P2RY1: variants seen among roughly 807,000 people sequenced by gnomAD.
P2RY1 encodes P2Y purinoceptor 1.
In P2RY1, 14 loss-of-function variants were observed where a neutral mutation model predicts 22.8. The ratio of observed to expected loss-of-function variants is 0.61; its 90% CI spans 0.41 to 0.96. The LOEUF is 0.96. P2RY1 is among the 40% of genes least tolerant of loss of function. The pLI is 0.00. For synonymous variants in P2RY1, 200 were observed against 195.1 expected (o/e 1.03, Z -0.21); for missense variants, 395 against 470.3 (o/e 0.84, Z 1.48).
At position 152,837,668 on chromosome 3, in the gene P2RY1, G is replaced by C. The variant is rs567248586; in HGVS notation, c.*764G>C. ...TGTATTTTCCTTGTAAACACCATGA[G>C]CTCTCTTAGACATCTTGTGATAAAG... is the stretch of plus-strand genomic sequence containing the variant. On this transcript the variant is annotated 3_prime_UTR_variant, in exon 1 of 1. Transcript: ENST00000305097. 1 of 167,144 alleles carries C rather than the reference G, an allele frequency of 6.0e-6. No homozygotes were observed. The highest frequency in any genetic ancestry group is 1.9e-4 in the East Asian group (1 of 5,196). 10.4% of individuals were successfully genotyped at this position (167,144 alleles called of 1,614,324 possible).
At position 152,835,748 on chromosome 3, in the gene P2RY1, C is replaced by T. The variant is rs778842678; in HGVS notation, c.-35C>T. 4 of 1,533,434 alleles carry T rather than the reference C, an allele frequency of 2.6e-6. No homozygotes were observed. The highest frequency in any genetic ancestry group is 2.4e-4 in the Middle Eastern group (1 of 4,110). The allele number at this position is 1,533,434 out of a possible 1,614,324, so 95.0% of individuals were successfully genotyped here. On this transcript the variant is annotated 5_prime_UTR_variant, in exon 1 of 1. Coordinates refer to ENST00000305097, the MANE Select transcript of P2RY1 (RefSeq NM_002563.5). Reference sequence around the variant, plus strand: ...CCGCTGCCCTCTCGCCGCCTCCTACCCCTCGGAGCCGCCGCCTAAGTCGAG... The same window carrying T: ...CCGCTGCCCTCTCGCCGCCTCCTACTCCTCGGAGCCGCCGCCTAAGTCGAG...
At position 152,837,970 on chromosome 3, in the gene P2RY1, A is replaced by G. The variant is rs1278561613; in HGVS notation, c.*1066A>G. The G allele has an allele frequency of 6.0e-6, 1 of 167,114 alleles. No homozygotes were observed. The highest frequency in any genetic ancestry group is 1.5e-5 in the Non-Finnish European group (1 of 68,120). 10.4% of individuals were successfully genotyped at this position (167,114 alleles called of 1,614,324 possible). A position where few individuals can be genotyped will look rare whatever the true frequency, so the allele number is the denominator to read the frequency against. On this transcript the variant is annotated 3_prime_UTR_variant, in exon 1 of 1. Coordinates refer to ENST00000305097, the MANE Select transcript of P2RY1 (RefSeq NM_002563.5). Reference sequence around the variant, plus strand: ...TGGGGTGGGCAGAAGACATTTTAGAATGAGGGCTTTAGTTTAAATTAAAGT... The same window carrying G: ...TGGGGTGGGCAGAAGACATTTTAGAGTGAGGGCTTTAGTTTAAATTAAAGT...
In P2RY1 at chr3:152,835,739, G is replaced by T. The variant is rs753615988; in HGVS notation, c.-44G>T. The T allele has an allele frequency of 9.2e-6, 14 of 1,515,936 alleles. No homozygotes were observed. The highest frequency in any genetic ancestry group is 2.5e-4 in the Middle Eastern group (1 of 4,054). The allele number at this position is 1,515,936 out of a possible 1,614,324, so 93.9% of individuals were successfully genotyped here. On this transcript the variant is annotated 5_prime_UTR_variant, in exon 1 of 1. Transcript: ENST00000305097. ...CCCTGGCCGCCGCTGCCCTCTCGCC[G>T]CCTCCTACCCCTCGGAGCCGCCGCC...
Position 152,838,308 on chromosome 3 carries a change from G to A in P2RY1, c.*1404G>A, listed in dbSNP as rs944450846. 6.6e-6 allele frequency: 1 copy of A among 152,142 alleles called. No individual in the cohort carries two copies. Among genetic ancestry groups the A allele is most frequent in the African/African-American group, 2.4e-5 (1 of 41,432 alleles). The allele number at this position is 152,142 out of a possible 1,614,324, so 9.4% of individuals were successfully genotyped here. A position where few individuals can be genotyped will look rare whatever the true frequency, so the allele number is the denominator to read the frequency against. ...GAAAAATTTGTAAAATGCTTCAACAGTGTTAATAATTTTAATGAATATTGA... is the reference window on the plus strand; with the variant it reads ...GAAAAATTTGTAAAATGCTTCAACAATGTTAATAATTTTAATGAATATTGA... On this transcript the variant is annotated 3_prime_UTR_variant, in exon 1 of 1. Transcript: ENST00000305097.
rs940939333 is a variant in P2RY1 at position 152,837,955 on chromosome 3, A to C, written c.*1051A>C. The stretch of plus-strand genomic sequence containing the variant: ...AATGTATGAAGCAACTGGGGTGGGC[A>C]GAAGACATTTTAGAATGAGGGCTTT... On this transcript the variant is annotated 3_prime_UTR_variant, in exon 1 of 1. Transcript: ENST00000305097. The C allele has an allele frequency of 6.6e-5, 11 of 167,124 alleles. No individual in the cohort carries two copies. The highest frequency in any genetic ancestry group is 1.6e-4 in the Non-Finnish European group (11 of 68,120). 10.4% of individuals were successfully genotyped at this position (167,124 alleles called of 1,614,324 possible). A position where few individuals can be genotyped will look rare whatever the true frequency, so the allele number is the denominator to read the frequency against.
In P2RY1 at chr3:152,837,043, G is replaced by A; in HGVS notation, c.*139G>A. Reference sequence around the variant, plus strand: ...ATAGTGAGTTAAAAAAATAATAGAAGTAGAAATGCCCACATCCACACTTAG... The same window carrying A: ...ATAGTGAGTTAAAAAAATAATAGAAATAGAAATGCCCACATCCACACTTAG... On this transcript the variant is annotated 3_prime_UTR_variant, in exon 1 of 1. Transcript: ENST00000305097. 2 of 685,930 alleles carry A rather than the reference G, an allele frequency of 2.9e-6. No homozygotes were observed. Among genetic ancestry groups the A allele is most frequent in the South Asian group, 2.1e-5 (1 of 47,910 alleles). 42.5% of individuals were successfully genotyped at this position (685,930 alleles called of 1,614,324 possible). A position where few individuals can be genotyped will look rare whatever the true frequency, so the allele number is the denominator to read the frequency against.
rs771419503 is a variant in P2RY1, at chr3:152,836,025, G to A, written c.243G>A (p.Lys81=). Residue 81 remains lysine (K), a synonymous_variant, in exon 1 of 1, where the codon AAG becomes AAA. Coordinates refer to ENST00000305097, the MANE Select transcript of P2RY1 (RefSeq NM_002563.5). This position sits in a 1 kb window ranked among gnomAD's most constrained non-coding sequence, Gnocchi z 5.6. Reference sequence around the variant, plus strand: ...TCTGGATGTTCGTCTTCCACATGAAGCCCTGGAGCGGCATCTCCGTGTACA... The same window carrying A: ...TCTGGATGTTCGTCTTCCACATGAAACCCTGGAGCGGCATCTCCGTGTACA... The part of the protein sequence containing the change: ...VAIWMFVFHM[K]PWSGISVYMF... 3 of 1,614,200 alleles carry A rather than the reference G, an allele frequency of 1.9e-6. No individual in the cohort carries two copies. Among genetic ancestry groups the A allele is most frequent in the African/African-American group, 1.3e-5 (1 of 75,056 alleles).
chr3:152,835,640 T>G lies in P2RY1; in HGVS notation c.-143T>G, dbSNP rs1410872510. On this transcript the variant is annotated 5_prime_UTR_variant, in exon 1 of 1. Transcript: ENST00000305097. ...GCCAGAGCTGGCGTGGGCGAGCCCC[T>G]GCGCGCCCCCTCCCGCGGGGATCCA... The G allele has an allele frequency of 1.2e-6, 1 of 808,866 alleles. No homozygotes were observed. Among genetic ancestry groups the G allele is most frequent in the African/African-American group, 1.8e-5 (1 of 57,094 alleles). The allele number at this position is 808,866 out of a possible 1,614,324, so 50.1% of individuals were successfully genotyped here.
chr3:152,837,453 A>T lies in P2RY1; in HGVS notation c.*549A>T, dbSNP rs1470552986. 6.0e-6 allele frequency: 1 copy of T among 167,258 alleles called. No individual in the cohort carries two copies. The highest frequency in any genetic ancestry group is 1.5e-5 in the Non-Finnish European group (1 of 68,400). The allele number at this position is 167,258 out of a possible 1,614,324, so 10.4% of individuals were successfully genotyped here. ...TTTCAGTGTCTTATAAGCATAGATG[A>T]TAGTTGACTGAGTTTCTTTAGGGCA... On this transcript the variant is annotated 3_prime_UTR_variant, in exon 1 of 1. Transcript: ENST00000305097.
chr3:152,836,889 A>G lies in P2RY1; in HGVS notation c.1107A>G (p.Gly369=), dbSNP rs1716179200. The change falls in exon 1 of 1, where the codon GGA becomes GGG. Residue 369 remains glycine (G), a synonymous_variant. Transcript: ENST00000305097. The surrounding 1 kb of genome is among the most constrained non-coding windows in gnomAD (Gnocchi z 5.6). ...LNILPEFKQN[G]DTSL ...TTTTACCTGAGTTCAAGCAGAATGG[A>G]GATACAAGCCTGTGAAGGCACAAGA... The G allele has an allele frequency of 6.2e-7, 1 of 1,608,932 alleles. No homozygotes were observed.
In P2RY1 at chr3:152,840,356, C is replaced by G. The variant is rs1313630940; in HGVS notation, c.*3452C>G. 3.9e-5 allele frequency: 6 copies of G among 151,900 alleles called. 1 individual carries two copies. Among genetic ancestry groups the G allele is most frequent in the Admixed American group, 3.9e-4 (6 of 15,244 alleles). 9.4% of individuals were successfully genotyped at this position (151,900 alleles called of 1,614,324 possible). A position where few individuals can be genotyped will look rare whatever the true frequency, so the allele number is the denominator to read the frequency against. ...TTTGCCTTTTTATTTAAGTTTTTTT[C>G]TATATAGACACAATTTGGTGTCAGA... On this transcript the variant is annotated 3_prime_UTR_variant, in exon 1 of 1. Transcript: ENST00000305097.
chr3:152,835,856 G>C lies in P2RY1; in HGVS notation c.74G>C (p.Trp25Ser), dbSNP rs773771939. 1.9e-6 allele frequency: 3 copies of C among 1,613,382 alleles called. No individual in the cohort carries two copies. Among genetic ancestry groups the C allele is most frequent in the Non-Finnish European group, 2.5e-6 (3 of 1,180,026 alleles). The change falls in exon 1 of 1, where the codon TGG (tryptophan) becomes TCG (serine). Residue 25 changes from tryptophan to serine, a missense_variant. By Grantham distance (177) the Trp-to-Ser change is radical (BLOSUM62 -3). Transcript: ENST00000305097. ...AAFLAGPGSS[W>S]GNSTVASTAA... ...TTCCTGGCCGGTCCGGGTTCGTCCTGGGGGAACAGCACGGTCGCCTCCACT... is the reference window on the plus strand; with the variant it reads ...TTCCTGGCCGGTCCGGGTTCGTCCTCGGGGAACAGCACGGTCGCCTCCACT...
At position 152,836,074 on chromosome 3, in the gene P2RY1, T is replaced by C; in HGVS notation, c.292T>C (p.Phe98Leu). 1 of 1,614,188 alleles carries C rather than the reference T, an allele frequency of 6.2e-7. No homozygotes were observed. Residue 98 changes from phenylalanine to leucine, a missense_variant, in exon 1 of 1, where the codon TTC becomes CTC. Coordinates refer to ENST00000305097, the MANE Select transcript of P2RY1 (RefSeq NM_002563.5). The surrounding 1 kb of genome is among the most constrained non-coding windows in gnomAD (Gnocchi z 5.6). Reference sequence around the variant, plus strand: ...CATGTTCAATTTGGCTCTGGCCGACTTCTTGTACGTGCTGACTCTGCCAGC... The same window carrying C: ...CATGTTCAATTTGGCTCTGGCCGACCTCTTGTACGTGCTGACTCTGCCAGC... Reference protein sequence around the residue: ...VYMFNLALADFLYVLTLPALI... With the variant: ...VYMFNLALADLLYVLTLPALI...
Position 152,836,410 on chromosome 3 carries a change from T to C in P2RY1, c.628T>C (p.Tyr210His). 6.2e-7 allele frequency: 1 copy of C among 1,614,092 alleles called. No individual in the cohort carries two copies. Among genetic ancestry groups the C allele is most frequent in the Non-Finnish European group, 8.5e-7 (1 of 1,180,038 alleles). Residue 210 changes from tyrosine to histidine, a missense_variant, in exon 1 of 1, where the codon TAC becomes CAC. Around this residue, in one of 3 missense-constraint regions of P2RY1, gnomAD observed 291 missense variants for 361.6 expected, o/e 0.80. Coordinates refer to ENST00000305097, the MANE Select transcript of P2RY1 (RefSeq NM_002563.5). This position sits in a 1 kb window ranked among gnomAD's most constrained non-coding sequence, Gnocchi z 5.6. Reference protein sequence around the residue: ...ITCYDTTSDEYLRSYFIYSMC... With the variant: ...ITCYDTTSDEHLRSYFIYSMC... Reference sequence around the variant, plus strand: ...CTGTTACGACACCACCTCAGACGAGTACCTGCGAAGTTATTTCATCTACAG... The same window carrying C: ...CTGTTACGACACCACCTCAGACGAGCACCTGCGAAGTTATTTCATCTACAG...
chr3:152,835,448 C>G lies in P2RY1; in HGVS notation c.-335C>G, dbSNP rs1049977241. 3 of 338,988 alleles carry G rather than the reference C, an allele frequency of 8.8e-6. No individual in the cohort carries two copies. In the East Asian group the frequency reaches 1.9e-4, roughly 22 times the overall value. The allele number at this position is 338,988 out of a possible 1,614,324, so 21.0% of individuals were successfully genotyped here. On this transcript the variant is annotated 5_prime_UTR_variant, in exon 1 of 1. Coordinates refer to ENST00000305097, the MANE Select transcript of P2RY1 (RefSeq NM_002563.5). ...CTCTGGCGCGCTCTGCAGCGCGGAC[C>G]CGCGGCCCCTCGGGAAAGCGCAGTC...
Position 152,836,839 on chromosome 3 carries a change from A to G in P2RY1, c.1057A>G (p.Lys353Glu). The change falls in exon 1 of 1, where the codon AAG becomes GAG. Residue 353 changes from lysine (K) to glutamate (E), a missense_variant. Coordinates refer to ENST00000305097, the MANE Select transcript of P2RY1 (RefSeq NM_002563.5). This position sits in a 1 kb window ranked among gnomAD's most constrained non-coding sequence, Gnocchi z 5.6. The part of the protein sequence containing the change: ...SRRSEANLQS[K>E]SEDMTLNILP... ...AAGAAGTGAGGCAAATTTGCAATCC[A>G]AGAGTGAAGACATGACCCTCAATAT... The G allele has an allele frequency of 2.5e-6, 4 of 1,613,878 alleles. No individual in the cohort carries two copies. The highest frequency in any genetic ancestry group is 3.4e-6 in the Non-Finnish European group (4 of 1,179,956).
rs1252421154 is a variant in P2RY1 at position 152,836,130 on chromosome 3, C to T, written c.348C>T (p.Asp116=). ...TCTTCTACTACTTCAATAAAACAGA[C>T]TGGATCTTCGGGGATGCCATGTGTA... The part of the protein sequence containing the change: ...ALIFYYFNKT[D]WIFGDAMCKL... The change falls in exon 1 of 1, where the codon GAC becomes GAT. Residue 116 remains aspartate (D), a synonymous_variant. Coordinates refer to ENST00000305097, the MANE Select transcript of P2RY1 (RefSeq NM_002563.5). The surrounding 1 kb of genome is among the most constrained non-coding windows in gnomAD (Gnocchi z 5.6). 3 of 1,614,204 alleles carry T rather than the reference C, an allele frequency of 1.9e-6. No homozygotes were observed. Among genetic ancestry groups the T allele is most frequent in the Admixed American group, 3.3e-5 (2 of 60,022 alleles).
rs1157482100 is a variant in P2RY1, at chr3:152,837,472, T to G, written c.*568T>G. 1 of 168,026 alleles carries G rather than the reference T, an allele frequency of 6.0e-6. No individual in the cohort carries two copies. Among genetic ancestry groups the G allele is most frequent in the African/African-American group, 2.4e-5 (1 of 41,536 alleles). The allele number at this position is 168,026 out of a possible 1,614,324, so 10.4% of individuals were successfully genotyped here. On this transcript the variant is annotated 3_prime_UTR_variant, in exon 1 of 1. Transcript: ENST00000305097. Reference sequence around the variant, plus strand: ...TAGATGATAGTTGACTGAGTTTCTTTAGGGCATTGAATAGACAAGTAAAGC... The same window carrying G: ...TAGATGATAGTTGACTGAGTTTCTTGAGGGCATTGAATAGACAAGTAAAGC...
rs1175729593 is a variant in P2RY1, at chr3:152,837,124, T to C, written c.*220T>C. ...TCCTTCTGACTAGAAGTATGTATAA[T>C]AAAACAATACTACCTAGTTAAACAT... On this transcript the variant is annotated 3_prime_UTR_variant, in exon 1 of 1. Transcript: ENST00000305097. 1 of 536,668 alleles carries C rather than the reference T, an allele frequency of 1.9e-6. No individual in the cohort carries two copies. The highest frequency in any genetic ancestry group is 3.4e-6 in the Non-Finnish European group (1 of 297,728). 33.2% of individuals were successfully genotyped at this position (536,668 alleles called of 1,614,324 possible).
Sources: allele counts gnomAD v4.1 joint callset, GRCh38; gene constraint gnomAD v4.1.1; regional missense constraint gnomAD v4.1.1; non-coding constraint Gnocchi (gnomAD v3.1); transcripts MANE v1.5; gene names NCBI Gene and HGNC (gene_info 2026-07-23, HGNC 2026-07-21).